SOS2: variants seen among roughly 807,000 people sequenced by gnomAD.
SOS2 encodes the protein son of sevenless homolog 2.
In SOS2, 65 loss-of-function variants were observed where a neutral mutation model predicts 148.2. The observed-to-expected ratio is 0.44, with a 90% confidence interval of 0.36 to 0.54. The LOEUF is 0.54. SOS2 is among the 20% of genes least tolerant of loss of function. SOS2 has a pLI of 0.00. For missense variants in SOS2, 1,341 were observed against 1,590.2 expected, an observed-to-expected ratio of 0.84 and a Z score of 2.67; for synonymous variants, 539 against 537.1, an observed-to-expected ratio of 1.00 and a Z score of -0.05.
At chr14:50,151,641 A>G (rs905294735) in intron 13 of SOS2, among the ~76,000 whole-genome samples, 1 of 152,240 alleles carries the variant, frequency 6.6e-6, no homozygotes, top group African/African-American at 2.4e-5. Flanking sequence ...ATAACCATTT[A>G]CTTAATTTAT....
intron 7 of SOS2, among the ~76,000 whole-genome samples, chr14:50,177,418 A>T (rs1212505280): frequency 2.0e-5 from 3 of 151,362 alleles, no homozygotes; most frequent in Non-Finnish European, 2.9e-5. Context: ...AACTGAATGA[A>T]TTTTTTTTTA....
chr14:50,218,218 GA>G (rs35149667), intron 1 of SOS2, among the ~76,000 whole-genome samples: 26,744 of 95,018 alleles, frequency 0.28, 3,116 homozygotes, highest in Non-Finnish European at 0.36. Context: ...TCGATAAAAG[GA>G]AAAAAAAAAA....
chr14:50,177,269 G>C (rs1885555151), intron 7 of SOS2, among the ~76,000 whole-genome samples: 1 of 151,752 alleles, frequency 6.6e-6, no homozygotes, highest in South Asian at 2.1e-4. Context: ...GCAATGAACT[G>C]AGACTGTGCC....
At chr14:50,138,900 C>A (rs1884174263) in intron 17 of SOS2, 116 bp from the exon 18 acceptor site, 2 of 403,590 alleles carry the variant, frequency 5.0e-6, no homozygotes, top group South Asian at 6.7e-5. Context: ...TACTATTCAG[C>A]AACTCTACTA....
chr14:50,199,787 T>C lies in SOS2; in HGVS notation c.414A>G (p.Ser138=), dbSNP rs1439586993. The C allele has an allele frequency of 2.5e-6, 4 of 1,597,704 alleles. No homozygotes were observed. In the African/African-American group the frequency reaches 5.4e-5, roughly 21 times the overall value. The change falls in exon 4 of 23, where the codon TCA becomes TCG. Residue 138 remains serine (S), a synonymous_variant. Coordinates refer to ENST00000216373, the MANE Select transcript of SOS2 (RefSeq NM_006939.4). The part of the protein sequence containing the change: ...LYIVAVLEYI[S]ADILKLAGNY... ...TACCAGCCAATTTTAAAATATCAGCTGAGATATACTCTAGTACAGCCACAA... is the reference window on the plus strand; with the variant it reads ...TACCAGCCAATTTTAAAATATCAGCCGAGATATACTCTAGTACAGCCACAA...
chr14:50,146,415 G>A (rs183302300), intron 14 of SOS2, among the ~76,000 whole-genome samples: 29 of 152,046 alleles, frequency 1.9e-4, no homozygotes, highest in African/African-American at 4.8e-4. Context: ...AGGCTGAGGC[G>A]GGCAGATCAC....
chr14:50,199,046 G>A (rs1449525755), intron 4 of SOS2, among the ~76,000 whole-genome samples: 1 of 152,170 alleles, frequency 6.6e-6, no homozygotes, highest in Non-Finnish European at 1.5e-5. Context: ...CTAGCTACTC[G>A]AGAGGCTGAG....
At chr14:50,209,594 C>A (rs985017838) in intron 1 of SOS2, among the ~76,000 whole-genome samples, 2 of 151,790 alleles carry the variant, frequency 1.3e-5, no homozygotes, top group Admixed American at 6.6e-5. Context: ...CGGTGAAACA[C>A]CACTTCTACA....
chr14:50,120,208 A>G, intron 22 of SOS2, 67 bp downstream of exon 22: 1 of 744,180 alleles, frequency 1.3e-6, no homozygotes, highest in South Asian at 1.6e-5. Context: ...CAGACTCTTT[A>G]TAACACTAGG....
At chr14:50,197,128 C>T (rs982152631) in intron 4 of SOS2, among the ~76,000 whole-genome samples, 2 of 152,144 alleles carry the variant, frequency 1.3e-5, no homozygotes, top group Non-Finnish European at 2.9e-5. Flanking sequence ...GCTGGGATTA[C>T]AGGCATGAGC....
chr14:50,118,677 C>T lies in SOS2; in HGVS notation c.3666G>A (p.Arg1222=). The T allele has an allele frequency of 6.2e-7, 1 of 1,612,238 alleles. No individual in the cohort carries two copies. The highest frequency in any genetic ancestry group is 8.5e-7 in the Non-Finnish European group (1 of 1,179,606). ...LPDTPPPVPL[R]PPEHFINCPF... ...GACAGTTTATAAAGTGTTCTGGAGG[C>T]CGAAGGGGAACTGGTGGAGGGGTAT... The change falls in exon 23 of 23, where the codon CGG becomes CGA. Residue 1222 remains arginine (R), a synonymous_variant. Coordinates refer to ENST00000216373, the MANE Select transcript of SOS2 (RefSeq NM_006939.4).
At chr14:50,177,892 T>C (rs73289613) in intron 7 of SOS2, among the ~76,000 whole-genome samples, 2,559 of 152,216 alleles carry the variant, frequency 0.017, 72 homozygotes, top group African/African-American at 0.058. Flanking sequence ...TGAAAGTGTA[T>C]AGATACATAC....
At chr14:50,150,783 C>A (rs980377746) in intron 13 of SOS2, among the ~76,000 whole-genome samples, 1 of 151,930 alleles carries the variant, frequency 6.6e-6, no homozygotes, top group Non-Finnish European at 1.5e-5. Context: ...AGAATAATGG[C>A]GTGATCTCGG....
intron 9 of SOS2, among the ~76,000 whole-genome samples, chr14:50,160,575 T>C (rs893071957): frequency 6.6e-6 from 1 of 151,834 alleles, no homozygotes; most frequent in Non-Finnish European, 1.5e-5. Context: ...TTAGTAGAGA[T>C]GGGGTTTCAC....
intron 19 of SOS2, among the ~76,000 whole-genome samples, chr14:50,132,656 G>C (rs1883918898): frequency 6.6e-6 from 1 of 152,024 alleles, no homozygotes; most frequent in Admixed American, 6.6e-5. Context: ...GCGAGACTCT[G>C]TCTCAAAAAA....
chr14:50,159,407 G>A, intron 10 of SOS2, 24 bp downstream of exon 10: 1 of 1,508,104 alleles, frequency 6.6e-7, no homozygotes, highest in Non-Finnish European at 9.0e-7. Flanking sequence ...CCCTAGGTCA[G>A]CAGTTGTAAT....
intron 19 of SOS2, among the ~76,000 whole-genome samples, chr14:50,132,340 G>A (rs1466109287): frequency 2.7e-5 from 3 of 109,920 alleles, no homozygotes; most frequent in Non-Finnish European, 5.2e-5. Context: ...AATATAGCAA[G>A]ACTCTATTGC....
At chr14:50,149,380 A>G (rs1200582514) in intron 14 of SOS2, among the ~76,000 whole-genome samples, 1 of 152,218 alleles carries the variant, frequency 6.6e-6, no homozygotes, top group Non-Finnish European at 1.5e-5. Flanking sequence ...CCTTATGTTA[A>G]GCAAAATAAA....
intron 21 of SOS2, among the ~76,000 whole-genome samples, chr14:50,123,385 T>TG (rs1414695400): frequency 6.8e-6 from 1 of 147,080 alleles, no homozygotes; most frequent in East Asian, 2.0e-4. Context: ...GAGGGCTTTT[T>TG]TTTTTTTTTT....
Sources: allele counts gnomAD v4.1 joint callset (sites outside exome capture counted in the v4.1 genomes callset), GRCh38; gene constraint gnomAD v4.1.1; transcripts MANE v1.5; gene names NCBI Gene and HGNC (gene_info 2026-07-23, HGNC 2026-07-21).